Variants in CTNNA2 observed in about 807,000 individuals in gnomAD.
CTNNA2 encodes the protein catenin alpha 2.
CTNNA2 carries 42 observed loss-of-function variants against 101.0 expected under a neutral mutation model. The ratio of observed to expected loss-of-function variants is 0.42; its 90% confidence interval spans 0.32 to 0.54. CTNNA2 has a LOEUF of 0.54. Among genes scored for constraint, CTNNA2 ranks in the 20% least tolerant of loss-of-function variants. The probability of loss-of-function intolerance (pLI) is 0.14; values close to 1 mark genes in which losing one functional copy is unlikely to be tolerated. For missense variants in CTNNA2, 871 were observed against 1,223.1 expected (o/e 0.71, Z 4.29); for synonymous variants, 450 against 456.4 (o/e 0.99, Z 0.18).
intron 12 of CTNNA2, among the ~76,000 whole-genome samples, chr2:80,567,150 G>T (rs1387977968): frequency 2.0e-5 from 3 of 152,296 alleles, no homozygotes; most frequent in Non-Finnish European, 4.4e-5. Context: ...TCTCTAAAAA[G>T]ATTCTGAGCT....
chr2:80,425,274 C>A (rs1187358341), intron 9 of CTNNA2, among the ~76,000 whole-genome samples: 2 of 152,140 alleles, frequency 1.3e-5, no homozygotes, highest in Non-Finnish European at 2.9e-5. Context: ...TCAAGAAGCG[C>A]AAATTCCTGA....
At chr2:80,373,214 T>C (rs1675616110) in intron 7 of CTNNA2, among the ~76,000 whole-genome samples, 1 of 148,834 alleles carries the variant, frequency 6.7e-6, no homozygotes, top group Admixed American at 6.9e-5. Context: ...TGAGTCTCAG[T>C]GTTAATTAGT....
Position 80,234,792 on chromosome 2 carries a change from T to C in CTNNA2, c.1057-158419T>C, listed in dbSNP as rs114286965. ...GGGGAATGGTTAATATAATATTTCT[T>C]CTATTCCAAAAGTTGGCAGATTTTT... On this transcript the variant is annotated intron_variant, in intron 7 of 18. Transcript: ENST00000402739. Among the ~76,000 whole-genome samples the C allele has an allele frequency of 4.2e-3, 638 of 151,014 alleles. 4 individuals carry two copies. The highest frequency in any genetic ancestry group is 0.015 in the African/African-American group (602 of 40,466).
At chr2:80,353,966 C>T (rs1459692501) in intron 7 of CTNNA2, among the ~76,000 whole-genome samples, 2 of 152,052 alleles carry the variant, frequency 1.3e-5, no homozygotes, top group African/African-American at 4.8e-5. Context: ...TCTCTGTGCT[C>T]CAGGTTTCAG....
At chr2:80,453,899 C>T (rs571772086) in intron 9 of CTNNA2, among the ~76,000 whole-genome samples, 1 of 152,240 alleles carries the variant, frequency 6.6e-6, no homozygotes, top group African/African-American at 2.4e-5. Context: ...GGTACCATTA[C>T]CAGCTGTCCT....
chr2:79,728,249 G>C (rs1443113089), intron 2 of CTNNA2, among the ~76,000 whole-genome samples: 4 of 152,072 alleles, frequency 2.6e-5, no homozygotes, highest in Non-Finnish European at 5.9e-5. Flanking sequence ...GTTGTTTCCT[G>C]ACTTTTTAAT....
intron 7 of CTNNA2, among the ~76,000 whole-genome samples, chr2:79,912,122 A>G (rs567684958): frequency 1.3e-5 from 2 of 152,366 alleles, no homozygotes; most frequent in East Asian, 1.9e-4. Flanking sequence ...TGTGCTAGGC[A>G]GTACCATTAG....
At chr2:80,310,842 G>A (rs866860074) in intron 7 of CTNNA2, among the ~76,000 whole-genome samples, 3 of 151,856 alleles carry the variant, frequency 2.0e-5, no homozygotes, top group Admixed American at 6.6e-5. Context: ...GCCTGGTGAC[G>A]GGCGCCTGTA....
chr2:79,805,806 C>T (rs756885241), intron 3 of CTNNA2, among the ~76,000 whole-genome samples: 59 of 151,826 alleles, frequency 3.9e-4, no homozygotes, highest in Non-Finnish European at 6.5e-4. Flanking sequence ...GGCATGGTGG[C>T]GGGCACCTGT....
chr2:80,013,850 C>T (rs1169964809), intron 7 of CTNNA2, among the ~76,000 whole-genome samples: 3 of 152,156 alleles, frequency 2.0e-5, no homozygotes, highest in African/African-American at 7.2e-5. Context: ...CCTCTAGAAA[C>T]GAATTCTCTC....
At chr2:80,407,650 G>A (rs559388051) in intron 8 of CTNNA2, among the ~76,000 whole-genome samples, 1 of 152,312 alleles carries the variant, frequency 6.6e-6, no homozygotes, top group South Asian at 2.1e-4. Context: ...TATGGTGTAA[G>A]CACCTGAATT....
intron 2 of CTNNA2, among the ~76,000 whole-genome samples, chr2:79,289,943 C>T (rs752411379): frequency 6.6e-6 from 1 of 152,096 alleles, no homozygotes; most frequent in African/African-American, 2.4e-5. Flanking sequence ...ATCAGCCTCT[C>T]TGTGCCTATA....
At chr2:80,406,228 G>A (rs1369065692) in intron 8 of CTNNA2, among the ~76,000 whole-genome samples, 3 of 152,082 alleles carry the variant, frequency 2.0e-5, no homozygotes, top group Non-Finnish European at 2.9e-5. Context: ...GGTGGCTTGC[G>A]CCTGTGTTCC....
At chr2:79,193,635 C>A (rs566063555) in intron 1 of CTNNA2, among the ~76,000 whole-genome samples, 3 of 152,234 alleles carry the variant, frequency 2.0e-5, no homozygotes, top group African/African-American at 7.2e-5. Flanking sequence ...CCATTTTTGA[C>A]CTCCAATTTC....
Position 80,512,227 on chromosome 2 carries a change from G to A in CTNNA2, c.1291-32755G>A, listed in dbSNP as rs1168778220. Reference sequence around the variant, plus strand: ...TTTGCTCTGGATTTAATTCTCATCTGTTAGATAATGTAGATGTTTTAAAAA... The same window carrying A: ...TTTGCTCTGGATTTAATTCTCATCTATTAGATAATGTAGATGTTTTAAAAA... On this transcript the variant is annotated intron_variant, in intron 9 of 18. Coordinates refer to ENST00000402739, the MANE Select transcript of CTNNA2 (RefSeq NM_001282597.3). Among the ~76,000 whole-genome samples the A allele has an allele frequency of 2.0e-5, 3 of 150,000 alleles. No homozygotes were observed. The East Asian group carries it at 5.9e-4, about 29-fold the overall frequency.
At chr2:79,961,319 G>A (rs1039884116) in intron 7 of CTNNA2, among the ~76,000 whole-genome samples, 2 of 152,086 alleles carry the variant, frequency 1.3e-5, no homozygotes, top group Admixed American at 1.3e-4. Flanking sequence ...TGTAGCCCCA[G>A]TACTGTCCCT....
chr2:80,596,379 G>A (rs1356576838), intron 15 of CTNNA2, among the ~76,000 whole-genome samples: 10 of 127,746 alleles, frequency 7.8e-5, no homozygotes, highest in Middle Eastern at 5.1e-3. Context: ...GCGTGATCTC[G>A]GCTCACTGCA....
intron 7 of CTNNA2, among the ~76,000 whole-genome samples, chr2:80,118,651 A>G (rs866099749): frequency 1.3e-5 from 2 of 152,250 alleles, no homozygotes; most frequent in Admixed American, 6.5e-5. Context: ...TATGAAGCCA[A>G]TTCATGATCC....
chr2:80,006,145 A>G (rs777591037), intron 7 of CTNNA2, among the ~76,000 whole-genome samples: 14 of 152,110 alleles, frequency 9.2e-5, no homozygotes, highest in Non-Finnish European at 2.1e-4. Flanking sequence ...GGACTAAATT[A>G]TTTTAACAGT....
Sources: allele counts gnomAD v4.1 joint callset (sites outside exome capture counted in the v4.1 genomes callset), GRCh38; gene constraint gnomAD v4.1.1; transcripts MANE v1.5; gene names NCBI Gene and HGNC (gene_info 2026-07-23, HGNC 2026-07-21).